MTCL1: variants seen among roughly 807,000 people sequenced by gnomAD.
The protein encoded by MTCL1 is microtubule cross-linking factor 1.
In MTCL1, 79 loss-of-function variants were observed where a neutral mutation model predicts 141.4. The ratio of observed to expected loss-of-function variants is 0.56; its 90% CI spans 0.47 to 0.67. The LOEUF (loss-of-function observed/expected upper bound fraction) is 0.67, where lower values mean the gene tolerates loss of function less well. Ranked by LOEUF, MTCL1 falls within the 30% of genes least tolerant of loss-of-function variation. The pLI is 0.00. For synonymous variants in MTCL1, 914 were observed against 875.8 expected (o/e 1.04, Z -0.77); for missense variants, 2,177 against 2,113.9 (o/e 1.03, Z -0.59).
intron 11 of MTCL1, 71 bp downstream of exon 10, chr18:8,807,131 C>A: frequency 6.8e-7 from 1 of 1,462,288 alleles, no homozygotes; most frequent in Non-Finnish European, 9.2e-7. Context: ...GGCGGGGGAG[C>A]GGGCACAGAG....
chr18:8,725,876 G>A (rs1414000294), intron 4 of MTCL1, among the ~76,000 whole-genome samples: 3 of 139,292 alleles, frequency 2.2e-5, no homozygotes, highest in Admixed American at 7.8e-5. Flanking sequence ...TGCAAGCTCT[G>A]CCTCCCGGGT....
chr18:8,797,759 C>T (rs1302261329), intron 9 of MTCL1, among the ~76,000 whole-genome samples: 1 of 152,212 alleles, frequency 6.6e-6, no homozygotes, highest in Admixed American at 6.5e-5. Flanking sequence ...TTAAGCAAAG[C>T]CTAGAAATTG....
rs373451949 is a variant in MTCL1, at chr18:8,774,088, AC to A, written c.358-3744del. On this transcript the variant is annotated intron_variant, in intron 4 of 16. Transcript: ENST00000359865. ...CCCTCGCAGTGGAGAGCAGCCATAG[AC>A]AGTGATAAATGAAGCTGTATTCTAA... 2.0e-3 allele frequency among the ~76,000 whole-genome samples: 298 copies of A among 152,332 alleles called. 3 individuals are homozygous for A. Among genetic ancestry groups the A allele is most frequent in the African/African-American group, 6.7e-3 (280 of 41,580 alleles).
intron 4 of MTCL1, among the ~76,000 whole-genome samples, chr18:8,725,096 G>T (rs1391117961): frequency 6.6e-6 from 1 of 151,354 alleles, no homozygotes. Context: ...TTCTTTCACT[G>T]AACAGTATTT....
intron 5 of MTCL1, among the ~76,000 whole-genome samples, chr18:8,780,324 C>G (rs2096528446): frequency 6.6e-6 from 1 of 152,266 alleles, no homozygotes; most frequent in Admixed American, 6.5e-5. Flanking sequence ...CCCTCGCCTG[C>G]ACCTCCTGGA....
chr18:8,824,106 C>T (rs2076935103), intron 14 of MTCL1, among the ~76,000 whole-genome samples: 1 of 152,248 alleles, frequency 6.6e-6, no homozygotes, highest in Admixed American at 6.5e-5. Flanking sequence ...AGCCCCGTTC[C>T]TGACCACCAC....
chr18:8,819,357 C>T (rs890637932), intron 13 of MTCL1, 98 bp downstream of exon 12: 2 of 1,348,330 alleles, frequency 1.5e-6, no homozygotes, highest in Non-Finnish European at 2.0e-6. Context: ...CTGGCAGGCT[C>T]TAGCACTTTT....
At chr18:8,826,128 G>C in exon 15 of MTCL1, 1 of 1,613,376 alleles carries the variant, frequency 6.2e-7, no homozygotes, top group South Asian at 1.1e-5. Flanking sequence ...GAAGCTGCTG[G>C]AACATGCCTT....
intron 4 of MTCL1, among the ~76,000 whole-genome samples, chr18:8,776,050 G>A (rs992556957): frequency 1.3e-5 from 2 of 152,166 alleles, no homozygotes; most frequent in Admixed American, 6.5e-5. Flanking sequence ...GCGATGTAAG[G>A]GACTTGCATA....
chr18:8,768,789 C>CTTTTTTTTTT (rs773958752), intron 4 of MTCL1, among the ~76,000 whole-genome samples: 2 of 117,870 alleles, frequency 1.7e-5, no homozygotes, highest in African/African-American at 3.6e-5. Context: ...CTTTTCTTCT[C>CTTTTTTTTTT]TTTTTTTTTT....
At chr18:8,740,746 G>A (rs955443152) in intron 4 of MTCL1, among the ~76,000 whole-genome samples, 2 of 152,188 alleles carry the variant, frequency 1.3e-5, no homozygotes, top group Non-Finnish European at 1.5e-5. Context: ...GCTTCCCAAA[G>A]TGCTGGGATT....
intron 4 of MTCL1, among the ~76,000 whole-genome samples, chr18:8,777,445 C>T (rs995394449): frequency 1.3e-5 from 2 of 152,190 alleles, no homozygotes; most frequent in Non-Finnish European, 2.9e-5. Context: ...TGATTTGGAA[C>T]GTGAACCAGC....
In MTCL1 at chr18:8,784,549, C is replaced by T; in HGVS notation, c.1437C>T (p.Leu479=). ...TCATCACGGACACCGACAGCTTCCT[C>T]CATGATGCGGGGCTGCGGGGTGGTG... Residue 479 remains leucine, a synonymous_variant, in exon 6 of 17, where the codon CTC becomes CTT. Transcript: ENST00000359865. The T allele has an allele frequency of 3.1e-6, 5 of 1,607,306 alleles. No homozygotes were observed. In the South Asian group the frequency reaches 3.3e-5, roughly 11 times the overall value.
At chr18:8,751,107 A>G (rs1348721520) in intron 4 of MTCL1, among the ~76,000 whole-genome samples, 1 of 152,226 alleles carries the variant, frequency 6.6e-6, no homozygotes, top group Non-Finnish European at 1.5e-5. Flanking sequence ...TGACTCATGC[A>G]CACATCTTTT....
At chr18:8,812,628 T>C (rs1468403303) in intron 11 of MTCL1, among the ~76,000 whole-genome samples, 4 of 152,260 alleles carry the variant, frequency 2.6e-5, no homozygotes, top group Non-Finnish European at 5.9e-5. Context: ...GTTCTGTCAC[T>C]GTCCCATCCC....
At chr18:8,821,115 A>C (rs2076831887) in intron 13 of MTCL1, among the ~76,000 whole-genome samples, 1 of 152,066 alleles carries the variant, frequency 6.6e-6, no homozygotes, top group Non-Finnish European at 1.5e-5. Flanking sequence ...TCACTCTCAC[A>C]CTTAGGTTGT....
intron 4 of MTCL1, among the ~76,000 whole-genome samples, chr18:8,746,387 G>T (rs1021027807): frequency 4.6e-5 from 7 of 151,220 alleles, no homozygotes; most frequent in African/African-American, 1.7e-4. Context: ...CCACATCCTT[G>T]CCAACTCTGG....
chr18:8,759,914 A>G (rs1373388651), intron 4 of MTCL1, among the ~76,000 whole-genome samples: 1 of 151,416 alleles, frequency 6.6e-6, no homozygotes, highest in Non-Finnish European at 1.5e-5. Flanking sequence ...AGGGGGCCCC[A>G]GGGGCTCATG....
chr18:8,751,001 C>T (rs949618410), intron 4 of MTCL1, among the ~76,000 whole-genome samples: 2 of 152,142 alleles, frequency 1.3e-5, no homozygotes, highest in South Asian at 2.1e-4. Context: ...CAGGCCCTCT[C>T]GTGCTCCAAG....
Sources: gnomAD v4.1 joint callset for allele counts (sites outside exome capture counted in the v4.1 genomes callset) on GRCh38, gnomAD v4.1.1 for gene constraint, MANE v1.5 for transcripts, NCBI Gene and HGNC (gene_info 2026-07-23, HGNC 2026-07-21) for gene names.